The following CYP2C8 variants were observed in gnomAD, a reference collection of about 807,000 sequenced individuals.
CYP2C8 encodes cytochrome P450 family 2 subfamily C member 8, also known as cytochrome P450 2C8.
CYP2C8 carries 51 observed loss-of-function variants against 41.3 expected under a neutral mutation model. That is an observed-to-expected ratio of 1.24 (90% CI 0.99 to 1.56). The LOEUF (loss-of-function observed/expected upper bound fraction) is 1.56, where lower values mean the gene tolerates loss of function less well. CYP2C8 is among the 40% of genes most tolerant of loss of function. The probability of loss-of-function intolerance (pLI) is 0.00; values close to 1 mark genes in which losing one functional copy is unlikely to be tolerated. For synonymous variants in CYP2C8, 218 were observed against 205.8 expected, an observed-to-expected ratio of 1.06 and a Z score of -0.51; for missense variants, 651 against 579.9, an observed-to-expected ratio of 1.12 and a Z score of -1.26.
At chr10:95,064,555 A>G (rs1170732175) in intron 4 of CYP2C8, among the ~76,000 whole-genome samples, 1 of 152,192 alleles carries the variant, frequency 6.6e-6, no homozygotes, top group East Asian at 1.9e-4. Context: ...AGGAAAGGGA[A>G]TTCCCTGACC....
At chr10:95,067,762 T>A in intron 1 of CYP2C8, 71 bp from the exon 2 acceptor site, 1 of 1,435,260 alleles carries the variant, frequency 7.0e-7, no homozygotes, top group South Asian at 1.2e-5. Flanking sequence ...TGATTCAGAC[T>A]GACATTTTCA....
intron 3 of CYP2C8, 116 bp from the exon 4 acceptor site, chr10:95,065,076 A>G (rs1415028177): frequency 3.1e-6 from 3 of 963,998 alleles, no homozygotes; most frequent in Admixed American, 3.7e-5. Context: ...CAAATTCCCC[A>G]TGTGTCCAAA....
intron 5 of CYP2C8, among the ~76,000 whole-genome samples, chr10:95,047,280 C>T (rs1040702139): frequency 1.3e-5 from 2 of 152,166 alleles, no homozygotes; most frequent in Non-Finnish European, 2.9e-5. Context: ...AACAGCCTAA[C>T]ACATTCATTT....
Position 95,067,239 on chromosome 10 carries a change from G to C in CYP2C8, c.450C>G (p.His150Gln). Residue 150 changes from histidine (H) to glutamine (Q), a missense_variant, in exon 3 of 9, where the codon CAC (histidine) becomes CAG (glutamine). Coordinates refer to ENST00000371270, the MANE Select transcript of CYP2C8 (RefSeq NM_000770.3). ...SIEDRVQEEA[H>Q]CLVEELRKTK... ...TTTTTCTCAACTCCTCCACAAGGCA[G>C]TGAGCTTCCTCTTGAACACGGTCCT... 2 of 1,614,180 alleles carry C rather than the reference G, an allele frequency of 1.2e-6. No individual in the cohort carries two copies. Among genetic ancestry groups the C allele is most frequent in the Non-Finnish European group, 1.7e-6 (2 of 1,180,018 alleles).
At chr10:95,040,014 C>G (rs2032963226) in intron 7 of CYP2C8, among the ~76,000 whole-genome samples, 1 of 152,270 alleles carries the variant, frequency 6.6e-6, no homozygotes, top group African/African-American at 2.4e-5. Context: ...AGGAAAGGAA[C>G]TTTCCTTGAT....
intron 5 of CYP2C8, among the ~76,000 whole-genome samples, chr10:95,051,345 C>T (rs2033211878): frequency 6.6e-6 from 1 of 152,010 alleles, no homozygotes; most frequent in Non-Finnish European, 1.5e-5. Flanking sequence ...AACAATGAAG[C>T]ACACCTACAG....
At chr10:95,064,715 A>T in intron 4 of CYP2C8, 85 bp downstream of exon 4, 1 of 1,275,500 alleles carries the variant, frequency 7.8e-7, no homozygotes, top group Non-Finnish European at 1.1e-6. Context: ...AAAGCATTTT[A>T]GTATCAATTT....
intron 4 of CYP2C8, among the ~76,000 whole-genome samples, chr10:95,062,852 A>C (rs947701230): frequency 6.6e-6 from 1 of 152,182 alleles, no homozygotes; most frequent in South Asian, 2.1e-4. Context: ...AAAATCTCTC[A>C]GCATTTGCTT....
intron 5 of CYP2C8, 109 bp from the exon 6 acceptor site, chr10:95,046,060 G>A (rs2033103194): frequency 8.1e-6 from 10 of 1,239,460 alleles, no homozygotes; most frequent in Non-Finnish European, 1.1e-5. Flanking sequence ...AGAGATACTG[G>A]ACAGTACAGT....
Position 95,064,993 on chromosome 10 carries a change from A to G in CYP2C8, c.482-33T>C, listed in dbSNP as rs772848956. 7 of 1,393,406 alleles carry G rather than the reference A, an allele frequency of 5.0e-6. No individual in the cohort carries two copies. The Admixed American group carries it at 9.7e-5, about 19-fold the overall frequency. The allele number at this position is 1,393,406 out of a possible 1,614,324, so 86.3% of individuals were successfully genotyped here. Reference sequence around the variant, plus strand: ...TTTAAAAATTTTTAAAAAAATTATTAAAAAATAAATATTTAAAAGATTTGC... The same window carrying G: ...TTTAAAAATTTTTAAAAAAATTATTGAAAAATAAATATTTAAAAGATTTGC... On this transcript the variant is annotated intron_variant, in intron 3 of 8. Coordinates refer to ENST00000371270, the MANE Select transcript of CYP2C8 (RefSeq NM_000770.3).
intron 1 of CYP2C8, among the ~76,000 whole-genome samples, chr10:95,068,386 A>G (rs2033613500): frequency 6.6e-6 from 1 of 152,222 alleles, no homozygotes. Flanking sequence ...TTCAGAATCC[A>G]AAAGAATTCT....
chr10:95,042,049 A>T (rs1311984226), intron 7 of CYP2C8, among the ~76,000 whole-genome samples: 3 of 152,150 alleles, frequency 2.0e-5, no homozygotes, highest in Admixed American at 6.5e-5. Context: ...CAATTATTTT[A>T]AAAAAATACT....
intron 1 of CYP2C8, among the ~76,000 whole-genome samples, chr10:95,068,788 C>T (rs1032118298): frequency 6.6e-6 from 1 of 152,154 alleles, no homozygotes; most frequent in Admixed American, 6.5e-5. Context: ...AGGCCAGGTA[C>T]GGTGGCTCAC....
chr10:95,042,964 T>C lies in CYP2C8; in HGVS notation c.1075A>G (p.Ser359Gly). 3.1e-6 allele frequency: 5 copies of C among 1,614,204 alleles called. No homozygotes were observed. Among genetic ancestry groups the C allele is most frequent in the Non-Finnish European group, 3.4e-6 (4 of 1,180,006 alleles). ...GGCACACCGGTGGGGACAAGGTCAC[T>C]GTATCTCTGGATCTCGTGCACTACA... ...DAVVHEIQRY[S>G]DLVPTGVPHA... is the part of the protein sequence containing the mutation. The change falls in exon 7 of 9, where the codon AGT (serine) becomes GGT (glycine). Residue 359 changes from serine to glycine, a missense_variant. Coordinates refer to ENST00000371270, the MANE Select transcript of CYP2C8 (RefSeq NM_000770.3).
chr10:95,064,755 A>G (rs1490663167), intron 4 of CYP2C8, 45 bp downstream of exon 4: 3 of 1,584,006 alleles, frequency 1.9e-6, no homozygotes, highest in Non-Finnish European at 2.6e-6. Context: ...CTTCCCTACA[A>G]CCTTGAATAA....
At chr10:95,054,064 TA>T (rs910090754) in intron 5 of CYP2C8, among the ~76,000 whole-genome samples, 6 of 151,674 alleles carry the variant, frequency 4.0e-5, no homozygotes, top group African/African-American at 9.7e-5. Flanking sequence ...AATCAGGGGG[TA>T]AAAAAACCCA....
intron 8 of CYP2C8, among the ~76,000 whole-genome samples, chr10:95,038,454 T>C (rs1393863942): frequency 6.6e-6 from 1 of 152,112 alleles, no homozygotes; most frequent in African/African-American, 2.4e-5. Flanking sequence ...CTTCCCTAAC[T>C]CAAGAGTGAG....
chr10:95,062,642 T>A (rs985779192), intron 4 of CYP2C8, among the ~76,000 whole-genome samples: 5 of 152,184 alleles, frequency 3.3e-5, no homozygotes, highest in African/African-American at 1.2e-4. Context: ...CCATTTACAT[T>A]TAAGGTTAAT....
intron 5 of CYP2C8, among the ~76,000 whole-genome samples, chr10:95,052,897 C>T (rs2033238703): frequency 6.6e-6 from 1 of 152,072 alleles, no homozygotes; most frequent in Non-Finnish European, 1.5e-5. Context: ...AACAAGGATG[C>T]TTACTTTCAC....
Sources: allele counts gnomAD v4.1 joint callset (sites outside exome capture counted in the v4.1 genomes callset), GRCh38; gene constraint gnomAD v4.1.1; transcripts MANE v1.5; gene names NCBI Gene and HGNC (gene_info 2026-07-23, HGNC 2026-07-21).